The following SRGAP3 variants were observed in gnomAD, a reference collection of about 807,000 sequenced individuals.
The protein encoded by SRGAP3 is SLIT-ROBO Rho GTPase-activating protein 3.
Under a neutral mutation model 121.1 loss-of-function variants are expected in SRGAP3, and 39 were observed. The observed-to-expected ratio is 0.32, with a 90% CI of 0.25 to 0.42. SRGAP3 has a LOEUF of 0.42. Ranked by LOEUF, SRGAP3 falls within the 10% of genes least tolerant of loss-of-function variation. The probability of loss-of-function intolerance (pLI) is 1.00; values close to 1 mark genes in which losing one functional copy is unlikely to be tolerated. For missense variants in SRGAP3, 1,213 were observed against 1,470.6 expected (o/e 0.82, Z 2.86); for synonymous variants, 601 against 570.0 (o/e 1.05, Z -0.77).
intron 3 of SRGAP3, among the ~76,000 whole-genome samples, chr3:9,281,817 C>T (rs553428611): frequency 1.3e-4 from 20 of 152,118 alleles, no homozygotes; most frequent in African/African-American, 4.6e-4. Context: ...GGACTACAGG[C>T]ATGCACCACC....
chr3:9,058,229 C>G, intron 7 of SRGAP3, 22 bp downstream of exon 7: 1 of 1,611,882 alleles, frequency 6.2e-7, no homozygotes, highest in Non-Finnish European at 8.5e-7. Flanking sequence ...GCCCCAAGCC[C>G]GGGCTCCAGG....
chr3:9,058,584 C>T (rs1945953807), intron 6 of SRGAP3, 112 bp from the exon 7 acceptor site: 1 of 1,151,972 alleles, frequency 8.7e-7, no homozygotes, highest in Non-Finnish European at 1.3e-6. Context: ...CCGAATCTTC[C>T]ATCCCGGAGG....
chr3:8,997,790 T>A (rs1430237905), intron 18 of SRGAP3, among the ~76,000 whole-genome samples: 1 of 152,312 alleles, frequency 6.6e-6, no homozygotes, highest in East Asian at 1.9e-4. Context: ...CACCCTTCTA[T>A]CCGTCTTATT....
intron 3 of SRGAP3, among the ~76,000 whole-genome samples, chr3:9,285,997 C>T (rs954470758): frequency 6.6e-6 from 1 of 151,728 alleles, no homozygotes; most frequent in Admixed American, 6.6e-5. Flanking sequence ...CCTGTAGTCC[C>T]AGCTGCTGGG....
intron 1 of SRGAP3, among the ~76,000 whole-genome samples, chr3:9,245,243 G>A (rs539842058): frequency 6.6e-6 from 1 of 152,304 alleles, no homozygotes; most frequent in Admixed American, 6.5e-5. Context: ...AGTAGTGACT[G>A]CCCATTTAGA....
At chr3:9,297,881 G>A (rs188031964) in intron 3 of SRGAP3, among the ~76,000 whole-genome samples, 17 of 151,524 alleles carry the variant, frequency 1.1e-4, no homozygotes, top group Admixed American at 1.1e-3. Context: ...GGGCAACAGA[G>A]TGAGACTCAG....
intron 1 of SRGAP3, among the ~76,000 whole-genome samples, chr3:9,350,973 A>T (rs1467015372): frequency 1.3e-5 from 2 of 152,226 alleles, no homozygotes; most frequent in African/African-American, 2.4e-5. Flanking sequence ...AGGCTTGCTC[A>T]TGTGACTGTA....
intron 3 of SRGAP3, among the ~76,000 whole-genome samples, chr3:9,289,543 G>GT (rs1954837840): frequency 6.6e-6 from 1 of 152,160 alleles, no homozygotes; most frequent in African/African-American, 2.4e-5. Flanking sequence ...ATAGATCCTC[G>GT]TAACAGTTTA....
intron 1 of SRGAP3, among the ~76,000 whole-genome samples, chr3:9,346,679 G>C (rs937484418): frequency 1.6e-4 from 24 of 151,830 alleles, no homozygotes; most frequent in African/African-American, 5.6e-4. Flanking sequence ...AGGAGAGCTG[G>C]TAAGTTACTG....
At chr3:9,030,289 G>A (rs945723235) in intron 12 of SRGAP3, among the ~76,000 whole-genome samples, 21 of 152,242 alleles carry the variant, frequency 1.4e-4, no homozygotes, top group African/African-American at 4.3e-4. Context: ...TTCCAACAGC[G>A]CTGCCACTGC....
intron 1 of SRGAP3, among the ~76,000 whole-genome samples, chr3:9,333,554 A>G (rs546821042): frequency 6.6e-6 from 1 of 152,172 alleles, no homozygotes; most frequent in South Asian, 2.1e-4. Flanking sequence ...TGTTCCTCAC[A>G]TAACAGTCCT....
chr3:9,325,171 G>A (rs1302004238), intron 3 of SRGAP3, among the ~76,000 whole-genome samples: 1 of 151,798 alleles, frequency 6.6e-6, no homozygotes, highest in Non-Finnish European at 1.5e-5. Context: ...AGAGATGGCT[G>A]CATGCAAACA....
chr3:9,040,961 G>A (rs1320622708), intron 10 of SRGAP3, among the ~76,000 whole-genome samples: 2 of 152,200 alleles, frequency 1.3e-5, no homozygotes, highest in East Asian at 1.9e-4. Flanking sequence ...TTAAAACTGC[G>A]CTGACACCAA....
At chr3:8,986,013 C>A (rs928557457) in intron 21 of SRGAP3, 81 bp from the exon 22 acceptor site, 8 of 1,592,614 alleles carry the variant, frequency 5.0e-6, no homozygotes, top group South Asian at 2.2e-5. Context: ...AGCTTCCCTT[C>A]GTAGGCAGGT....
At chr3:9,339,602 C>T (rs374935350) in intron 1 of SRGAP3, among the ~76,000 whole-genome samples, 64 of 152,316 alleles carry the variant, frequency 4.2e-4, no homozygotes, top group African/African-American at 1.4e-3. Flanking sequence ...TCAGCATCGG[C>T]TGATTGTTTC....
intron 1 of SRGAP3, among the ~76,000 whole-genome samples, chr3:9,342,016 AG>A (rs1334575642): frequency 6.6e-6 from 1 of 152,192 alleles, no homozygotes; most frequent in African/African-American, 2.4e-5. Context: ...TGCTAACAAC[AG>A]TAACTTTTGC....
At chr3:9,242,557 C>T (rs1953683815) in intron 1 of SRGAP3, among the ~76,000 whole-genome samples, 1 of 152,168 alleles carries the variant, frequency 6.6e-6, no homozygotes, top group African/African-American at 2.4e-5. Flanking sequence ...ATTGCTTGAA[C>T]CCAGAAGGTG....
chr3:8,981,019 G>A lies in SRGAP3; in HGVS notation c.*4500C>T, dbSNP rs911580441. On this transcript the variant is annotated 3_prime_UTR_variant, in exon 22 of 22. Coordinates refer to ENST00000383836, the MANE Select transcript of SRGAP3 (RefSeq NM_014850.4). ...TCAAGGAACAGCTTTGTTATTGGCC[G>A]GGGACAACTCACACAGAAAGGAGGT... is the stretch of plus-strand genomic sequence containing the variant. 2.1e-5 allele frequency: 5 copies of A among 232,756 alleles called. No individual in the cohort carries two copies. The highest frequency in any genetic ancestry group is 6.1e-5 in the East Asian group (1 of 16,520). The allele number at this position is 232,756 out of a possible 1,614,324, so 14.4% of individuals were successfully genotyped here. A position where few individuals can be genotyped will look rare whatever the true frequency, so the allele number is the denominator to read the frequency against.
chr3:9,162,142 T>C (rs777368328), intron 1 of SRGAP3, among the ~76,000 whole-genome samples: 1 of 152,090 alleles, frequency 6.6e-6, no homozygotes, highest in African/African-American at 2.4e-5. Flanking sequence ...AGAGGAGTGC[T>C]GGGTGCCAGG....
Sources: allele counts gnomAD v4.1 joint callset (sites outside exome capture counted in the v4.1 genomes callset), GRCh38; gene constraint gnomAD v4.1.1; transcripts MANE v1.5; gene names NCBI Gene and HGNC (gene_info 2026-07-23, HGNC 2026-07-21).